Variants in NRXN1 observed in about 807,000 individuals in gnomAD.
NRXN1 encodes neurexin-1.
Under a neutral mutation model 150.9 loss-of-function variants are expected in NRXN1, and 39 were observed. The observed-to-expected ratio is 0.26, with a 90% CI of 0.20 to 0.34. The LOEUF is 0.34. Ranked by LOEUF, NRXN1 falls within the 10% of genes least tolerant of loss-of-function variation. The probability of loss-of-function intolerance (pLI) is 1.00; values close to 1 mark genes in which losing one functional copy is unlikely to be tolerated. For synonymous variants in NRXN1, 924 were observed against 757.0 expected (o/e 1.22, Z -3.62); for missense variants, 1,815 against 1,949.9 (o/e 0.93, Z 1.30).
intron 17 of NRXN1, among the ~76,000 whole-genome samples, chr2:50,254,347 T>A (rs1332194657): frequency 6.6e-6 from 1 of 151,694 alleles, no homozygotes; most frequent in Non-Finnish European, 1.5e-5. Flanking sequence ...GTCTTATTAT[T>A]TTTTTTCAAA....
intron 5 of NRXN1, among the ~76,000 whole-genome samples, chr2:50,825,653 A>C (rs1010020611): frequency 6.6e-6 from 1 of 152,198 alleles, no homozygotes; most frequent in Non-Finnish European, 1.5e-5. Context: ...TATAATAATC[A>C]AGCCAAATGT....
chr2:50,727,713 A>C lies in NRXN1; in HGVS notation c.833-104098T>G, dbSNP rs532894303. Among the ~76,000 whole-genome samples the C allele has an allele frequency of 8.5e-5, 13 of 152,294 alleles. No individual in the cohort carries two copies. In the East Asian group the frequency reaches 2.5e-3, roughly 29 times the overall value. On this transcript the variant is annotated intron_variant, in intron 5 of 22. Transcript: ENST00000401669. ...ATCTACTAAGAAGATTTATGTTTTT[A>C]ATTAAACATTTTACCATGGCAATAT... is the stretch of plus-strand genomic sequence containing the variant.
At chr2:50,972,536 C>T (rs1318797791) in intron 2 of NRXN1, among the ~76,000 whole-genome samples, 2 of 152,094 alleles carry the variant, frequency 1.3e-5, no homozygotes, top group Non-Finnish European at 2.9e-5. Flanking sequence ...TTATTTTGCA[C>T]TTTATTTCTA....
At chr2:50,461,823 G>A (rs915812550) in intron 17 of NRXN1, among the ~76,000 whole-genome samples, 9 of 152,028 alleles carry the variant, frequency 5.9e-5, no homozygotes, top group Middle Eastern at 6.8e-3. Context: ...GATTGAAAAG[G>A]AAATTATATT....
Position 50,829,999 on chromosome 2 carries a change from G to GAAAAAAAAAAAAAAAAA in NRXN1, c.832+91853_832+91869dup, listed in dbSNP as rs572758147. Among the ~76,000 whole-genome samples, 21 of 58,178 alleles carry GAAAAAAAAAAAAAAAAA rather than the reference G, an allele frequency of 3.6e-4. 2 individuals carry two copies. The highest frequency in any genetic ancestry group is 1.0e-3 in the Admixed American group (4 of 3,988). 38.2% of individuals were successfully genotyped at this position (58,178 alleles called of 152,430 possible). On this transcript the variant is annotated intron_variant, in intron 5 of 22. Transcript: ENST00000401669. ...GGAACCCAAAGAATACTGCCTGCTGGAAAAAAAAAAAAAAAAAAAAAAAAA... is the reference window on the plus strand; with the variant it reads ...GGAACCCAAAGAATACTGCCTGCTGGAAAAAAAAAAAAAAAAAAAAAAAAAAAAAAAAAAAAAAAAAA...
intron 5 of NRXN1, among the ~76,000 whole-genome samples, chr2:50,660,510 A>G (rs1381422136): frequency 6.6e-6 from 1 of 152,036 alleles, no homozygotes; most frequent in East Asian, 1.9e-4. Context: ...ACGACCTAGT[A>G]CCATTAATCT....
chr2:50,990,548 T>C (rs1368517195), intron 2 of NRXN1, among the ~76,000 whole-genome samples: 1 of 151,928 alleles, frequency 6.6e-6, no homozygotes. Flanking sequence ...CTCTGAAGAG[T>C]ACAGAGGGGA....
At chr2:50,225,827 C>A (rs2064324101) in intron 18 of NRXN1, among the ~76,000 whole-genome samples, 1 of 151,972 alleles carries the variant, frequency 6.6e-6, no homozygotes, top group Non-Finnish European at 1.5e-5. Flanking sequence ...TGCTAGCTAG[C>A]TAACCACAAA....
At chr2:50,087,516 GGAGA>G (rs1425327368) in intron 19 of NRXN1, among the ~76,000 whole-genome samples, 2 of 152,052 alleles carry the variant, frequency 1.3e-5, no homozygotes, top group African/African-American at 4.8e-5. Flanking sequence ...CTATTTTTGT[GGAGA>G]GAGAAAATTT....
At chr2:50,107,915 T>G (rs369588776) in intron 18 of NRXN1, among the ~76,000 whole-genome samples, 1 of 151,864 alleles carries the variant, frequency 6.6e-6, no homozygotes, top group African/African-American at 2.4e-5. Flanking sequence ...TAACTCTGTG[T>G]GAGACAGATG....
chr2:50,108,949 G>A lies in NRXN1; in HGVS notation c.3547-17455C>T, dbSNP rs546086888. Among the ~76,000 whole-genome samples, 3 of 152,244 alleles carry A rather than the reference G, an allele frequency of 2.0e-5. No individual in the cohort carries two copies. In the East Asian group the frequency reaches 5.8e-4, roughly 29 times the overall value. Reference sequence around the variant, plus strand: ...AATATAGCCATTTAAAATAAAATGAGAGAGCTAGCCTTCAGAAAACCATTC... The same window carrying A: ...AATATAGCCATTTAAAATAAAATGAAAGAGCTAGCCTTCAGAAAACCATTC... On this transcript the variant is annotated intron_variant, in intron 18 of 22. Transcript: ENST00000401669.
intron 17 of NRXN1, among the ~76,000 whole-genome samples, chr2:50,240,769 T>G (rs948616810): frequency 6.6e-6 from 1 of 151,876 alleles, no homozygotes; most frequent in African/African-American, 2.4e-5. Flanking sequence ...CACTATCTTA[T>G]AGAGCTCTAT....
intron 17 of NRXN1, among the ~76,000 whole-genome samples, chr2:50,394,598 T>C (rs2103855191): frequency 6.6e-6 from 1 of 152,196 alleles, no homozygotes; most frequent in South Asian, 2.1e-4. Flanking sequence ...GCCACCACTG[T>C]CTCTTTTGTG....
At chr2:50,956,698 C>G (rs1423493115) in intron 2 of NRXN1, among the ~76,000 whole-genome samples, 2 of 151,592 alleles carry the variant, frequency 1.3e-5, no homozygotes, top group Non-Finnish European at 2.9e-5. Flanking sequence ...CAGTGGGCGA[C>G]AGAGTGAGAC....
intron 5 of NRXN1, among the ~76,000 whole-genome samples, chr2:50,813,101 G>C (rs1051555498): frequency 6.6e-6 from 1 of 152,020 alleles, no homozygotes; most frequent in Non-Finnish European, 1.5e-5. Flanking sequence ...GGCTGAGTCG[G>C]GAGGATGGCT....
chr2:50,331,021 T>C (rs2076803526), intron 17 of NRXN1, among the ~76,000 whole-genome samples: 1 of 152,078 alleles, frequency 6.6e-6, no homozygotes, highest in Non-Finnish European at 1.5e-5. Flanking sequence ...TCAAAAAGAA[T>C]GCAAAATTAT....
At chr2:50,631,578 C>G (rs1270035516) in intron 5 of NRXN1, among the ~76,000 whole-genome samples, 1 of 151,808 alleles carries the variant, frequency 6.6e-6, no homozygotes, top group Non-Finnish European at 1.5e-5. Flanking sequence ...TAATTCATTA[C>G]CAAAAACTAA....
Position 50,538,274 on chromosome 2 carries a change from G to T in NRXN1, c.2122C>A (p.Leu708Ile), listed in dbSNP as rs56086732. The change falls in exon 10 of 23, where the codon CTT (leucine) becomes ATT (isoleucine). Residue 708 changes from leucine to isoleucine, a missense_variant. By Grantham distance (5) the Leu-to-Ile change is conservative. Coordinates refer to ENST00000401669, the MANE Select transcript of NRXN1 (RefSeq NM_001330078.2). ...CTACCTCTCTCACAGGACCTGCCAA[G>T]ATAGCCTGTTCCGGAACAATCACAG... Reference protein sequence around the residue: ...YVCDCSGTGYLGRSCEREATV... With the variant: ...YVCDCSGTGYIGRSCEREATV... 5.0e-3 allele frequency: 8,052 copies of T among 1,612,464 alleles called. 31 individuals are homozygous for T. The highest frequency in any genetic ancestry group is 5.9e-3 in the Non-Finnish European group (6,939 of 1,178,660).
At chr2:50,115,217 G>GTATGTATA (rs1553626154) in intron 18 of NRXN1, among the ~76,000 whole-genome samples, 1 of 134,914 alleles carries the variant, frequency 7.4e-6, no homozygotes, top group African/African-American at 2.7e-5. Flanking sequence ...TATGTTATGT[G>GTATGTATA]TATATATATA....
Sources: allele counts gnomAD v4.1 joint callset (sites outside exome capture counted in the v4.1 genomes callset), GRCh38; gene constraint gnomAD v4.1.1; transcripts MANE v1.5; gene names NCBI Gene and HGNC (gene_info 2026-07-23, HGNC 2026-07-21).